CDK14: variants seen among roughly 807,000 people sequenced by gnomAD.
The protein encoded by CDK14 is cyclin-dependent kinase 14.
A neutral mutation model predicts 60.7 loss-of-function variants in CDK14; 34 were observed. The observed-to-expected ratio is 0.56, with a 90% confidence interval of 0.43 to 0.75. The LOEUF is 0.75. Among genes scored for constraint, CDK14 ranks in the 30% least tolerant of loss-of-function variants. The pLI is 0.00. For missense variants in CDK14, 482 were observed against 564.1 expected (o/e 0.85, Z 1.47); for synonymous variants, 197 against 203.7 (o/e 0.97, Z 0.28).
intron 7 of CDK14, among the ~76,000 whole-genome samples, chr7:90,917,235 A>G (rs1328697476): frequency 6.6e-6 from 1 of 152,142 alleles, no homozygotes; most frequent in Non-Finnish European, 1.5e-5. Context: ...TTTAATCTCT[A>G]TAATATTATG....
intron 14 of CDK14, among the ~76,000 whole-genome samples, chr7:91,199,163 A>G (rs1015946773): frequency 6.6e-6 from 1 of 152,208 alleles, no homozygotes; most frequent in Non-Finnish European, 1.5e-5. Context: ...TTCAAATAAC[A>G]TGAAATCTTT....
chr7:90,995,363 C>A (rs1481792483), intron 10 of CDK14, among the ~76,000 whole-genome samples: 1 of 152,108 alleles, frequency 6.6e-6, no homozygotes, highest in Non-Finnish European at 1.5e-5. Flanking sequence ...CCAGAGGAGA[C>A]CACAGCCATG....
chr7:91,191,852 A>C (rs114312705), intron 14 of CDK14, among the ~76,000 whole-genome samples: 2,037 of 152,226 alleles, frequency 0.013, 62 homozygotes, highest in African/African-American at 0.045. Flanking sequence ...GTGGTATAAA[A>C]TTAAAATTGT....
intron 1 of CDK14, 54 bp downstream of exon 1, chr7:90,596,772 C>T (rs1470097124): frequency 2.8e-6 from 4 of 1,440,562 alleles, no homozygotes; most frequent in Non-Finnish European, 2.9e-6. Context: ...TCGGCCTGCG[C>T]CCCCGCCGCG....
At chr7:90,865,097 T>C (rs1791134743) in intron 6 of CDK14, among the ~76,000 whole-genome samples, 1 of 152,218 alleles carries the variant, frequency 6.6e-6, no homozygotes, top group Non-Finnish European at 1.5e-5. Context: ...TTTTCCTTTC[T>C]ACCTTTCTTT....
chr7:90,932,916 A>G (rs900575156), intron 8 of CDK14, among the ~76,000 whole-genome samples: 1 of 152,238 alleles, frequency 6.6e-6, no homozygotes. Context: ...AGAATATTCC[A>G]CAACAAAGTG....
chr7:90,943,880 G>C (rs1007846936), intron 8 of CDK14, among the ~76,000 whole-genome samples: 5 of 152,128 alleles, frequency 3.3e-5, no homozygotes, highest in African/African-American at 9.7e-5. Flanking sequence ...TTGGAAATTT[G>C]GTCCCTAGTG....
At chr7:90,975,098 C>T (rs182438779) in intron 9 of CDK14, among the ~76,000 whole-genome samples, 40 of 152,188 alleles carry the variant, frequency 2.6e-4, no homozygotes, top group Middle Eastern at 6.8e-3. Flanking sequence ...AGTTAGGGGA[C>T]CTAACATAGC....
chr7:90,628,430 A>G (rs1028261711), intron 2 of CDK14, among the ~76,000 whole-genome samples: 3 of 152,176 alleles, frequency 2.0e-5, no homozygotes, highest in African/African-American at 7.2e-5. Flanking sequence ...GTAGATGGCT[A>G]TGGCTGAATT....
At chr7:90,977,937 A>G (rs893159576) in intron 9 of CDK14, among the ~76,000 whole-genome samples, 6 of 152,156 alleles carry the variant, frequency 3.9e-5, no homozygotes, top group Admixed American at 6.6e-5. Context: ...GCCAAACACA[A>G]TTTAACATTT....
Position 90,899,308 on chromosome 7 carries a change from G to C in CDK14, c.657G>C (p.Gln219His), listed in dbSNP as rs370776469. ...VFEYVHTDLC[Q>H]YMDKHPGGLH... ...TTTTCTAGCACACTGATTTATGTCA[G>C]TACATGGACAAGCACCCTGGGGGGC... Residue 219 changes from glutamine to histidine, a missense_variant, in exon 7 of 15, where the codon CAG becomes CAC. Physicochemically the swap from Gln to His is conservative, Grantham distance 24 (BLOSUM62 0). Coordinates refer to ENST00000380050, the MANE Select transcript of CDK14 (RefSeq NM_001287135.2). 1.2e-6 allele frequency: 2 copies of C among 1,602,604 alleles called. No individual in the cohort carries two copies. Among genetic ancestry groups the C allele is most frequent in the East Asian group, 2.3e-5 (1 of 44,068 alleles).
At chr7:90,732,373 T>C (rs1378819699) in intron 3 of CDK14, among the ~76,000 whole-genome samples, 1 of 152,214 alleles carries the variant, frequency 6.6e-6, no homozygotes, top group African/African-American at 2.4e-5. Context: ...TTAGGGAGGA[T>C]TCCCTCTTTT....
intron 8 of CDK14, 100 bp downstream of exon 8, chr7:90,917,824 T>A: frequency 8.5e-7 from 1 of 1,178,312 alleles, no homozygotes; most frequent in East Asian, 2.4e-5. Flanking sequence ...TCTATCATCA[T>A]AGATCCTGGT....
At chr7:90,955,665 T>A in intron 8 of CDK14, 32 bp from the exon 9 acceptor site, 1 of 1,611,048 alleles carries the variant, frequency 6.2e-7, no homozygotes, top group Non-Finnish European at 8.5e-7. Context: ...CTAATGCCTG[T>A]TAAACTTCTT....
intron 12 of CDK14, among the ~76,000 whole-genome samples, chr7:91,096,211 T>A (rs1025621168): frequency 3.7e-4 from 57 of 152,270 alleles, no homozygotes; most frequent in African/African-American, 1.1e-3. Flanking sequence ...ACCAATAGGA[T>A]GTGACAGAGG....
chr7:90,846,535 C>T (rs904314500), intron 5 of CDK14, among the ~76,000 whole-genome samples: 2 of 152,152 alleles, frequency 1.3e-5, no homozygotes, highest in African/African-American at 4.8e-5. Flanking sequence ...ATTTCCATCA[C>T]ACTAAGCAGT....
intron 9 of CDK14, among the ~76,000 whole-genome samples, chr7:90,980,236 G>A (rs1019576390): frequency 6.6e-6 from 1 of 152,116 alleles, no homozygotes; most frequent in African/African-American, 2.4e-5. Flanking sequence ...ATAAGAGTTT[G>A]AGCATACTGC....
At chr7:90,805,005 G>C (rs770848901) in intron 5 of CDK14, among the ~76,000 whole-genome samples, 6 of 152,056 alleles carry the variant, frequency 3.9e-5, no homozygotes, top group Non-Finnish European at 8.8e-5. Context: ...AGTTACAGGT[G>C]AGGAAATTGA....
At chr7:91,000,317 C>T (rs932488324) in intron 10 of CDK14, among the ~76,000 whole-genome samples, 1 of 152,216 alleles carries the variant, frequency 6.6e-6, no homozygotes, top group African/African-American at 2.4e-5. Flanking sequence ...CTGTAGGCTA[C>T]TTCCAATTCA....
Sources: allele counts gnomAD v4.1 joint callset (sites outside exome capture counted in the v4.1 genomes callset), GRCh38; gene constraint gnomAD v4.1.1; transcripts MANE v1.5; gene names NCBI Gene and HGNC (gene_info 2026-07-23, HGNC 2026-07-21).